The following TMCO4 variants were observed in gnomAD, a reference collection of about 807,000 sequenced individuals.
TMCO4 encodes transmembrane and coiled-coil domain-containing protein 4.
TMCO4 carries 58 observed loss-of-function variants against 64.7 expected under a neutral mutation model. The observed-to-expected ratio is 0.90, with a 90% CI of 0.73 to 1.12. The LOEUF (loss-of-function observed/expected upper bound fraction) is 1.12, where lower values mean the gene tolerates loss of function less well. Among genes scored for constraint, TMCO4 ranks in the 50% most tolerant of loss-of-function variants. TMCO4 has a pLI of 0.00. For missense variants in TMCO4, 780 were observed against 825.9 expected, an observed-to-expected ratio of 0.94 and a Z score of 0.68; for synonymous variants, 325 against 346.1, an observed-to-expected ratio of 0.94 and a Z score of 0.68.
chr1:19,796,866 C>T (rs2044335057), intron 2 of TMCO4, among the ~76,000 whole-genome samples: 1 of 152,160 alleles, frequency 6.6e-6, no homozygotes, highest in Non-Finnish European at 1.5e-5. Flanking sequence ...AGCCACCACG[C>T]CTGGCCTGTG....
intron 13 of TMCO4, among the ~76,000 whole-genome samples, chr1:19,705,494 T>C (rs936699381): frequency 6.6e-6 from 1 of 151,070 alleles, no homozygotes; most frequent in African/African-American, 2.4e-5. Context: ...TAAAAATAAA[T>C]TAACACAATA....
chr1:19,694,605 A>G, intron 14 of TMCO4, 54 bp from the exon 15 acceptor site: 1 of 1,551,054 alleles, frequency 6.4e-7, no homozygotes, highest in Middle Eastern at 1.7e-4. Context: ...GGACAGCCCA[A>G]GGACAGGACG....
chr1:19,725,599 TG>T (rs2095405305), intron 13 of TMCO4, among the ~76,000 whole-genome samples: 2 of 152,200 alleles, frequency 1.3e-5, no homozygotes, highest in African/African-American at 4.8e-5. Context: ...TGGCACGCAC[TG>T]GGGTCAGAAA....
At chr1:19,777,122 A>G (rs1306921120) in intron 4 of TMCO4, among the ~76,000 whole-genome samples, 3 of 151,748 alleles carry the variant, frequency 2.0e-5, no homozygotes, top group Non-Finnish European at 4.4e-5. Context: ...TGGGCACGTG[A>G]CAGGATCTAG....
chr1:19,690,321 G>T (rs879607459), intron 15 of TMCO4, among the ~76,000 whole-genome samples: 1 of 152,210 alleles, frequency 6.6e-6, no homozygotes, highest in Non-Finnish European at 1.5e-5. Context: ...GTCAGGGGCC[G>T]ACTGAGCTGT....
intron 15 of TMCO4, among the ~76,000 whole-genome samples, chr1:19,685,635 A>G (rs2095140989): frequency 1.3e-5 from 2 of 151,436 alleles, no homozygotes; most frequent in South Asian, 4.2e-4. Flanking sequence ...ATTGAGCCAC[A>G]CGGAGGTAAA....
At chr1:19,738,778 C>A (rs907228992) in intron 12 of TMCO4, among the ~76,000 whole-genome samples, 2 of 152,206 alleles carry the variant, frequency 1.3e-5, no homozygotes, top group African/African-American at 4.8e-5. Flanking sequence ...ATCCATCCTC[C>A]CTTTTTTCCA....
In TMCO4 at chr1:19,688,696, C is replaced by T. The variant is rs550429641; in HGVS notation, c.1501-5252G>A. Among the ~76,000 whole-genome samples the T allele has an allele frequency of 8.5e-5, 13 of 152,316 alleles. No individual in the cohort carries two copies. In the South Asian group the frequency reaches 1.0e-3, roughly 12 times the overall value. On this transcript the variant is annotated intron_variant, in intron 15 of 15. Transcript: ENST00000294543. ...CTCTACCACTCACATGCCGTGGCACCGCCTGCAGCCTCAGTTTTCACACCT... is the reference window on the plus strand; with the variant it reads ...CTCTACCACTCACATGCCGTGGCACTGCCTGCAGCCTCAGTTTTCACACCT...
intron 6 of TMCO4, among the ~76,000 whole-genome samples, chr1:19,767,305 A>C (rs533440245): frequency 6.6e-6 from 1 of 152,334 alleles, no homozygotes; most frequent in Admixed American, 6.5e-5. Flanking sequence ...GACAAGAGCC[A>C]GGTAAGGTCA....
chr1:19,798,781 C>T (rs2044458729), intron 1 of TMCO4, among the ~76,000 whole-genome samples: 1 of 152,242 alleles, frequency 6.6e-6, no homozygotes, highest in Admixed American at 6.5e-5. Context: ...CTGGAGTGTA[C>T]TTCCTGAGGG....
Position 19,682,788 on chromosome 1 carries a change from G to T in TMCO4, c.*252C>A. 1.4e-6 allele frequency: 1 copy of T among 717,322 alleles called. No individual in the cohort carries two copies. The highest frequency in any genetic ancestry group is 2.6e-6 in the Non-Finnish European group (1 of 385,872). 44.4% of individuals were successfully genotyped at this position (717,322 alleles called of 1,614,324 possible). A position where few individuals can be genotyped will look rare whatever the true frequency, so the allele number is the denominator to read the frequency against. ...TAACCTGTGCTTGGTTGACTCTGCA[G>T]GTCTCTGATGAGGGGGCAGCTGCTC... On this transcript the variant is annotated 3_prime_UTR_variant, in exon 16 of 16. Transcript: ENST00000294543.
At chr1:19,780,266 G>C (rs2043402582) in intron 4 of TMCO4, among the ~76,000 whole-genome samples, 2 of 152,150 alleles carry the variant, frequency 1.3e-5, no homozygotes, top group Non-Finnish European at 2.9e-5. Flanking sequence ...GTGTGGACCT[G>C]GAAGAGCTGT....
At chr1:19,723,536 A>G (rs59993606) in intron 13 of TMCO4, among the ~76,000 whole-genome samples, 2,233 of 152,282 alleles carry the variant, frequency 0.015, 55 homozygotes, top group African/African-American at 0.05. Context: ...TAAAGTCTGC[A>G]TGCTCAGCTC....
chr1:19,731,180 G>A (rs577670347), intron 13 of TMCO4, among the ~76,000 whole-genome samples: 43 of 152,280 alleles, frequency 2.8e-4, no homozygotes, highest in Admixed American at 5.9e-4. Flanking sequence ...GGTAGGAGGC[G>A]CTGTGGCCAT....
intron 13 of TMCO4, among the ~76,000 whole-genome samples, chr1:19,724,054 TAA>T (rs2095398131): frequency 6.6e-6 from 1 of 152,188 alleles, no homozygotes; most frequent in African/African-American, 2.4e-5. Context: ...GTCGGCAGGC[TAA>T]GAGTCTTGGA....
chr1:19,701,954 G>A (rs1365590207), intron 13 of TMCO4, among the ~76,000 whole-genome samples: 2 of 152,074 alleles, frequency 1.3e-5, no homozygotes, highest in Non-Finnish European at 2.9e-5. Flanking sequence ...GGGCAACATA[G>A]TGAGACCCTT....
intron 4 of TMCO4, among the ~76,000 whole-genome samples, chr1:19,777,755 T>G (rs1393182281): frequency 6.6e-6 from 1 of 152,224 alleles, no homozygotes. Flanking sequence ...CTGTGTTCTA[T>G]TACTTGTAGC....
intron 2 of TMCO4, among the ~76,000 whole-genome samples, chr1:19,790,827 TA>T (rs1445399203): frequency 4.6e-5 from 7 of 152,196 alleles, no homozygotes; most frequent in Non-Finnish European, 7.3e-5. Context: ...CAAAGGAATG[TA>T]AATCATTCTA....
At chr1:19,785,448 C>T (rs1454959169) in intron 3 of TMCO4, among the ~76,000 whole-genome samples, 1 of 152,158 alleles carries the variant, frequency 6.6e-6, no homozygotes, top group Non-Finnish European at 1.5e-5. Flanking sequence ...TTCACTGCCA[C>T]ACCCCGAGCT....
Sources: gnomAD v4.1 joint callset for allele counts (sites outside exome capture counted in the v4.1 genomes callset) on GRCh38, gnomAD v4.1.1 for gene constraint, MANE v1.5 for transcripts, NCBI Gene and HGNC (gene_info 2026-07-23, HGNC 2026-07-21) for gene names.